CSMD3: variants seen among roughly 807,000 people sequenced by gnomAD.
The protein encoded by CSMD3 is CUB and sushi domain-containing protein 3.
A neutral mutation model predicts 435.2 loss-of-function variants in CSMD3; 177 were observed. The observed-to-expected ratio is 0.41, with a 90% CI of 0.36 to 0.46. The LOEUF is 0.46. Among genes scored for constraint, CSMD3 ranks in the 20% least tolerant of loss-of-function variants. The pLI is 0.34. For missense variants in CSMD3, 4,265 were observed against 4,504.6 expected, an observed-to-expected ratio of 0.95 and a Z score of 1.52; for synonymous variants, 1,656 against 1,520.5, an observed-to-expected ratio of 1.09 and a Z score of -2.07.
At chr8:113,206,996 C>T (rs1051993083) in intron 3 of CSMD3, among the ~76,000 whole-genome samples, 3 of 152,026 alleles carry the variant, frequency 2.0e-5, no homozygotes, top group African/African-American at 4.8e-5. Context: ...TAGTTGGGCA[C>T]GGTAAAAATG....
At chr8:113,204,687 ATATTTCATATG>A (rs1470151668) in intron 3 of CSMD3, among the ~76,000 whole-genome samples, 1 of 152,146 alleles carries the variant, frequency 6.6e-6, no homozygotes, top group Non-Finnish European at 1.5e-5. Flanking sequence ...ATTTTAAAAA[ATATTTCATATG>A]GTATTTTTAC....
chr8:112,744,411 C>T (rs138657390), intron 13 of CSMD3, among the ~76,000 whole-genome samples: 182 of 152,128 alleles, frequency 1.2e-3, no homozygotes, highest in Non-Finnish European at 1.7e-3. Flanking sequence ...TCATTTTTAA[C>T]TTTTATTTCC....
intron 13 of CSMD3, among the ~76,000 whole-genome samples, chr8:112,777,596 T>C (rs1015170949): frequency 2.6e-5 from 4 of 151,820 alleles, no homozygotes; most frequent in Non-Finnish European, 5.9e-5. Flanking sequence ...TTTCTTCTAT[T>C]TGAGGAATTG....
At chr8:113,114,374 G>A (rs151197230) in intron 4 of CSMD3, among the ~76,000 whole-genome samples, 2 of 152,210 alleles carry the variant, frequency 1.3e-5, no homozygotes, top group African/African-American at 2.4e-5. Flanking sequence ...ATTTGAAAAG[G>A]GAAGAGGGAA....
intron 12 of CSMD3, among the ~76,000 whole-genome samples, chr8:112,829,407 T>A (rs2079796354): frequency 6.6e-6 from 1 of 152,174 alleles, no homozygotes; most frequent in Admixed American, 6.5e-5. Context: ...TAATCTTGTA[T>A]TTCCTAGCCG....
chr8:113,263,418 C>T (rs1234945111), intron 3 of CSMD3, among the ~76,000 whole-genome samples: 2 of 151,894 alleles, frequency 1.3e-5, no homozygotes, highest in African/African-American at 2.4e-5. Flanking sequence ...GCTTTGAGGT[C>T]AATTCACATT....
intron 5 of CSMD3, among the ~76,000 whole-genome samples, chr8:113,096,256 C>T (rs919242275): frequency 5.3e-5 from 8 of 152,106 alleles, no homozygotes; most frequent in African/African-American, 1.9e-4. Flanking sequence ...AAAAATGTTT[C>T]ATCAATAGCC....
intron 13 of CSMD3, among the ~76,000 whole-genome samples, chr8:112,765,383 G>A (rs749670273): frequency 6.6e-6 from 1 of 151,626 alleles, no homozygotes; most frequent in Non-Finnish European, 1.5e-5. Flanking sequence ...ACTAAAACAA[G>A]GGAGGGATAT....
intron 27 of CSMD3, among the ~76,000 whole-genome samples, chr8:112,549,266 G>C (rs1827464441): frequency 6.6e-6 from 1 of 151,942 alleles, no homozygotes; most frequent in Non-Finnish European, 1.5e-5. Flanking sequence ...AAACAGTAGA[G>C]AGTAGAATAT....
rs1283983719 is a variant in CSMD3 at position 113,316,761 on chromosome 8, G to A, written c.179-1968C>T. Among the ~76,000 whole-genome samples the A allele has an allele frequency of 2.6e-5, 4 of 151,716 alleles. No individual in the cohort carries two copies. The East Asian group carries it at 7.8e-4, about 30-fold the overall frequency. Reference sequence around the variant, plus strand: ...GATGGGGTTTCACCATGTTGGCAAGGCTGATTTCGAACTACTGACCTAAAG... The same window carrying A: ...GATGGGGTTTCACCATGTTGGCAAGACTGATTTCGAACTACTGACCTAAAG... On this transcript the variant is annotated intron_variant, in intron 1 of 70. Coordinates refer to ENST00000297405, the MANE Select transcript of CSMD3 (RefSeq NM_198123.2).
At chr8:112,621,434 T>C (rs1399348061) in intron 22 of CSMD3, among the ~76,000 whole-genome samples, 1 of 152,092 alleles carries the variant, frequency 6.6e-6, no homozygotes, top group Non-Finnish European at 1.5e-5. Context: ...TTTCACTTCA[T>C]TTCCTTCTTC....
chr8:113,190,619 T>C (rs1022969461), intron 3 of CSMD3, among the ~76,000 whole-genome samples: 1 of 151,790 alleles, frequency 6.6e-6, no homozygotes, highest in African/African-American at 2.4e-5. Flanking sequence ...TTAAAACATA[T>C]GTCTATGACG....
chr8:113,157,127 G>A (rs986885492), intron 4 of CSMD3, among the ~76,000 whole-genome samples: 28 of 152,090 alleles, frequency 1.8e-4, no homozygotes, highest in African/African-American at 6.8e-4. Context: ...ATAAAATGGT[G>A]CAGTCACTAT....
chr8:112,804,507 C>A (rs2079033213), intron 12 of CSMD3, among the ~76,000 whole-genome samples: 1 of 151,936 alleles, frequency 6.6e-6, no homozygotes, highest in Non-Finnish European at 1.5e-5. Context: ...GATACAGCAA[C>A]TGCAGAAATA....
intron 1 of CSMD3, among the ~76,000 whole-genome samples, chr8:113,368,428 T>C (rs2094326898): frequency 6.6e-6 from 1 of 152,166 alleles, no homozygotes; most frequent in African/African-American, 2.4e-5. Flanking sequence ...ACTTAAGCAA[T>C]ATTACAATGT....
intron 32 of CSMD3, among the ~76,000 whole-genome samples, chr8:112,423,220 C>A (rs764073434): frequency 2.6e-5 from 4 of 151,884 alleles, no homozygotes; most frequent in Non-Finnish European, 5.9e-5. Flanking sequence ...TTTATGCTAA[C>A]CTGGGAAGGT....
chr8:112,797,419 C>T (rs888143594), intron 13 of CSMD3, among the ~76,000 whole-genome samples: 4 of 151,852 alleles, frequency 2.6e-5, no homozygotes, highest in African/African-American at 9.7e-5. Flanking sequence ...TTCAAAAACA[C>T]TCTCTTAATT....
intron 1 of CSMD3, among the ~76,000 whole-genome samples, chr8:113,317,388 T>A (rs908159409): frequency 6.6e-6 from 1 of 152,160 alleles, no homozygotes; most frequent in African/African-American, 2.4e-5. Context: ...TCAAGCCCCA[T>A]AACCCTGATA....
intron 32 of CSMD3, among the ~76,000 whole-genome samples, chr8:112,437,666 A>G (rs1231027789): frequency 6.6e-6 from 1 of 152,012 alleles, no homozygotes; most frequent in Non-Finnish European, 1.5e-5. Context: ...AACAAAATAT[A>G]CTCTTTTTTT....
Sources: gnomAD v4.1 joint callset for allele counts (sites outside exome capture counted in the v4.1 genomes callset) on GRCh38, gnomAD v4.1.1 for gene constraint, MANE v1.5 for transcripts, NCBI Gene and HGNC (gene_info 2026-07-23, HGNC 2026-07-21) for gene names.